DGKQ: variants seen among roughly 807,000 people sequenced by gnomAD.
The protein encoded by DGKQ is diacylglycerol kinase theta.
A neutral mutation model predicts 104.2 loss-of-function variants in DGKQ; 97 were observed. The observed-to-expected ratio is 0.93, with a 90% CI of 0.79 to 1.10. The LOEUF is 1.10. Among genes scored for constraint, DGKQ ranks in the 50% least tolerant of loss-of-function variants. The pLI, the probability that DGKQ is intolerant of heterozygous loss-of-function variation, is 0.00. For synonymous variants in DGKQ, 736 were observed against 595.2 expected (o/e 1.24, Z -3.44); for missense variants, 1,465 against 1,352.1 (o/e 1.08, Z -1.31).
rs965770871 is a variant in DGKQ at position 963,036 on chromosome 4, G to A, written c.1886+103C>T. 28 of 1,493,232 alleles carry A rather than the reference G, an allele frequency of 1.9e-5. No homozygotes were observed. In the African/African-American group the frequency reaches 2.5e-4, roughly 13 times the overall value. 92.5% of individuals were successfully genotyped at this position (1,493,232 alleles called of 1,614,324 possible). ...GTGGAGGACTTCAAGGTCCCAGCAC[G>A]GGATCCCCGTGGAGCTCCTGCCGGC... On this transcript the variant is annotated intron_variant, in intron 16 of 22. Transcript: ENST00000273814.
In DGKQ at chr4:967,783, G is replaced by A. The variant is rs1253862511; in HGVS notation, c.831C>T (p.Ala277=). ...AAEPGEGGDG[A]DGSAAVGPGR... The stretch of plus-strand genomic sequence containing the variant: ...CTGGACCCACGGCAGCGCTCCCGTC[G>A]GCGCCGTCGCCCCCCTCGCCTGCGG... The change falls in exon 7 of 23, where the codon GCC becomes GCT. Residue 277 remains alanine (A), a synonymous_variant. Transcript: ENST00000273814. The A allele has an allele frequency of 4.4e-6, 7 of 1,604,630 alleles. No individual in the cohort carries two copies. The highest frequency in any genetic ancestry group is 3.4e-5 in the Admixed American group (2 of 58,872).
intron 18 of DGKQ, 58 bp from the exon 19 acceptor site, chr4:962,140 T>A: frequency 2.1e-6 from 3 of 1,442,868 alleles, no homozygotes; most frequent in Non-Finnish European, 2.9e-6. Flanking sequence ...CCCCCTGAGC[T>A]CCCCAACAGC....
chr4:965,322 C>G (rs761135218), intron 14 of DGKQ, 31 bp from the exon 15 acceptor site: 1 of 1,601,082 alleles, frequency 6.2e-7, no homozygotes, highest in Non-Finnish European at 8.5e-7. Context: ...TCAGGGGGAG[C>G]CTGTCCCATG....
chr4:962,528 G>C lies in DGKQ; in HGVS notation c.2121C>G (p.Ala707=). The change falls in exon 18 of 23, where the codon GCC becomes GCG. Residue 707 remains alanine (A), a synonymous_variant. Transcript: ENST00000273814. ...TCCAGCGGTCCATGAGCACGGCGTC[G>C]GCCTCGTCCACAGACAGCAGTACGG... ...PFSVLLSVDE[A]DAVLMDRWTI... 6.2e-7 allele frequency: 1 copy of C among 1,610,100 alleles called. No homozygotes were observed. The highest frequency in any genetic ancestry group is 8.5e-7 in the Non-Finnish European group (1 of 1,179,920).
intron 15 of DGKQ, among the ~76,000 whole-genome samples, chr4:964,815 G>GGAGCT (rs1560513305): frequency 6.5e-4 from 99 of 152,284 alleles, no homozygotes; most frequent in Admixed American, 6.2e-3. Context: ...GCCGCAGCGG[G>GGAGCT]GCCCGGCACA....
chr4:965,898 G>A, intron 13 of DGKQ, 30 bp downstream of exon 13: 1 of 1,564,484 alleles, frequency 6.4e-7, no homozygotes, highest in Non-Finnish European at 8.7e-7. Flanking sequence ...CCCCGTGCCA[G>A]CAGCCCACGG....
chr4:968,714 C>T (rs1013879836), intron 3 of DGKQ, 97 bp downstream of exon 3: 9 of 1,366,092 alleles, frequency 6.6e-6, no homozygotes, highest in Non-Finnish European at 9.1e-6. Context: ...TGGCCTCCCC[C>T]ATCACCCCTG....
At chr4:966,349 G>C in intron 12 of DGKQ, 117 bp downstream of exon 12, 1 of 1,205,084 alleles carries the variant, frequency 8.3e-7, no homozygotes, top group Non-Finnish European at 1.2e-6. Flanking sequence ...CTGTCAGCCA[G>C]GACAGCCGCT....
In DGKQ at chr4:973,266, A is replaced by AGGTG; in HGVS notation, c.213_216dup (p.Phe73HisfsTer27). ...ATGAAGTCGGAGCAGAGGTGGCAGAAGGTGGGCTTGGTGAGCGTCACCTTC... is the reference window on the plus strand; with the variant it reads ...ATGAAGTCGGAGCAGAGGTGGCAGAAGGTGGGTGGGCTTGGTGAGCGTCACCTTC... On this transcript the variant is annotated frameshift_variant, in exon 1 of 23. Transcript: ENST00000273814. LOFTEE classifies it high-confidence loss of function. 6.4e-7 allele frequency: 1 copy of AGGTG among 1,551,948 alleles called. No homozygotes were observed. Among genetic ancestry groups the AGGTG allele is most frequent in the Non-Finnish European group, 8.7e-7 (1 of 1,152,230 alleles).
chr4:966,213 G>C, intron 12 of DGKQ, 135 bp from the exon 13 acceptor site: 1 of 1,034,584 alleles, frequency 9.7e-7, no homozygotes, highest in Non-Finnish European at 1.4e-6. Flanking sequence ...AGGAAAACGA[G>C]GAAAGGGGCC....
intron 14 of DGKQ, 32 bp from the exon 15 acceptor site, chr4:965,323 C>T (rs776643037): frequency 3.1e-6 from 5 of 1,599,578 alleles, no homozygotes; most frequent in Middle Eastern, 3.3e-4. Context: ...CAGGGGGAGC[C>T]TGTCCCATGG....
In DGKQ at chr4:965,913, C is replaced by T. The variant is rs376718682; in HGVS notation, c.1579+15G>A. On this transcript the variant is annotated intron_variant, in intron 13 of 22. Coordinates refer to ENST00000273814, the MANE Select transcript of DGKQ (RefSeq NM_001347.4). ...CCCCGTGCCAGCAGCCCACGGCCAG[C>T]CACAGTGGTCACACCTTTGGTAGCC... The T allele has an allele frequency of 2.5e-6, 4 of 1,583,298 alleles. No homozygotes were observed. Among genetic ancestry groups the T allele is most frequent in the Non-Finnish European group, 3.4e-6 (4 of 1,161,652 alleles).
At position 973,366 on chromosome 4, in the gene DGKQ, C is replaced by T. The variant is rs1200407652; in HGVS notation, c.117G>A (p.Pro39=). 1.2e-5 allele frequency: 14 copies of T among 1,168,044 alleles called. No individual in the cohort carries two copies. In the African/African-American group the frequency reaches 2.1e-4, roughly 18 times the overall value. The allele number at this position is 1,168,044 out of a possible 1,614,324, so 72.4% of individuals were successfully genotyped here. The change falls in exon 1 of 23, where the codon CCG becomes CCA. Residue 39 remains proline (P), a synonymous_variant. Transcript: ENST00000273814. ...LGSGGRARPG[P]GPGPGPERAG... ...CCCGCTCGGGTCCCGGCCCCGGCCC[C>T]GGCCCCGGGCGCGCGCGGCCTCCTG... is the stretch of plus-strand genomic sequence containing the variant.
intron 22 of DGKQ, 26 bp from the exon 23 acceptor site, chr4:960,747 C>T: frequency 1.9e-6 from 3 of 1,607,904 alleles, no homozygotes; most frequent in Non-Finnish European, 2.5e-6. Flanking sequence ...GGACAGAGGA[C>T]CAGGGTGACA....
At position 959,100 on chromosome 4, in the gene DGKQ, G is replaced by A. The variant is rs1022815489; in HGVS notation, c.*1520C>T. 5.2e-5 allele frequency: 8 copies of A among 152,810 alleles called. No individual in the cohort carries two copies. The highest frequency in any genetic ancestry group is 1.9e-4 in the East Asian group (1 of 5,194). 9.5% of individuals were successfully genotyped at this position (152,810 alleles called of 1,614,324 possible). A position where few individuals can be genotyped will look rare whatever the true frequency, so the allele number is the denominator to read the frequency against. On this transcript the variant is annotated 3_prime_UTR_variant, in exon 23 of 23. Coordinates refer to ENST00000273814, the MANE Select transcript of DGKQ (RefSeq NM_001347.4). Reference sequence around the variant, plus strand: ...GAAGCAAAACTAATCACAAAGGACTGGTCTTGAAGATGACAATGACGTAAA... The same window carrying A: ...GAAGCAAAACTAATCACAAAGGACTAGTCTTGAAGATGACAATGACGTAAA...
chr4:962,386 G>A, intron 18 of DGKQ, 49 bp downstream of exon 18: 14 of 1,498,798 alleles, frequency 9.3e-6, no homozygotes, highest in Middle Eastern at 2.2e-4. Flanking sequence ...CGTGTAGCGG[G>A]GTCATATGCA....
At chr4:962,949 C>A in intron 16 of DGKQ, 29 bp from the exon 17 acceptor site, 9 of 1,589,922 alleles carry the variant, frequency 5.7e-6, no homozygotes, top group Non-Finnish European at 7.7e-6. Flanking sequence ...TGTCCTCTAC[C>A]AGCTGCGGGC....
intron 2 of DGKQ, 118 bp downstream of exon 2, chr4:970,875 T>C: frequency 4.2e-6 from 3 of 711,166 alleles, no homozygotes; most frequent in African/African-American, 3.5e-5. Context: ...ATCTGCCCTT[T>C]GCCTTTCAAC....
rs960908295 is a variant in DGKQ, at chr4:968,101, A to G, written c.664-74T>C. The G allele has an allele frequency of 1.2e-4, 133 of 1,091,854 alleles. 1 individual carries two copies. The highest frequency in any genetic ancestry group is 1.5e-4 in the Non-Finnish European group (128 of 826,364). 67.6% of individuals were successfully genotyped at this position (1,091,854 alleles called of 1,614,324 possible). ...GCACCAGGTGCGCCAGGTCCAGGGA[A>G]AGACCCCACACGACGCAGACCCACC... is the stretch of plus-strand genomic sequence containing the variant. On this transcript the variant is annotated intron_variant, in intron 5 of 22. Coordinates refer to ENST00000273814, the MANE Select transcript of DGKQ (RefSeq NM_001347.4).
Sources: allele counts gnomAD v4.1 joint callset (sites outside exome capture counted in the v4.1 genomes callset), GRCh38; gene constraint gnomAD v4.1.1; transcripts MANE v1.5; gene names NCBI Gene and HGNC (gene_info 2026-07-23, HGNC 2026-07-21).